FUT6: variants seen among roughly 807,000 people sequenced by gnomAD.
FUT6 encodes fucosyltransferase 6.
For missense variants in FUT6, 454 were observed against 494.6 expected, an observed-to-expected ratio of 0.92 and a Z score of 0.78; for synonymous variants, 187 against 209.9, an observed-to-expected ratio of 0.89 and a Z score of 0.94.
At position 5,830,826 on chromosome 19, in the gene FUT6, G is replaced by C. The variant is rs1397442237; in HGVS notation, c.*662C>G. On this transcript the variant is annotated 3_prime_UTR_variant, in exon 3 of 3. Transcript: ENST00000318336. ...TCACCATATTGGCCAGGATGGTCTCGATCTCCTGACCTTGTGATCCGCCTG... is the reference window on the plus strand; with the variant it reads ...TCACCATATTGGCCAGGATGGTCTCCATCTCCTGACCTTGTGATCCGCCTG... 5.1e-6 allele frequency: 1 copy of C among 194,688 alleles called. No individual in the cohort carries two copies. Among genetic ancestry groups the C allele is most frequent in the South Asian group, 9.8e-5 (1 of 10,198 alleles). The allele number at this position is 194,688 out of a possible 1,614,324, so 12.1% of individuals were successfully genotyped here.
At chr19:5,833,907 G>A (rs781390991) in intron 2 of FUT6, among the ~76,000 whole-genome samples, 4 of 151,988 alleles carry the variant, frequency 2.6e-5, no homozygotes, top group Non-Finnish European at 4.4e-5. Flanking sequence ...AGAGGAGGGC[G>A]GATAACTTGA....
At chr19:5,836,732 C>G (rs2057185737) in intron 1 of FUT6, among the ~76,000 whole-genome samples, 1 of 152,090 alleles carries the variant, frequency 6.6e-6, no homozygotes, top group African/African-American at 2.4e-5. Flanking sequence ...GTAGTCTCAG[C>G]TACTCAGGAT....
In FUT6 at chr19:5,832,805, A is replaced by C; in HGVS notation, c.-12-226T>G. ...CCATTAGACAACAGGCCCTTTCTAC[A>C]TGGGCAAGGGTCCCTGGGGAAGTTG... On this transcript the variant is annotated intron_variant, in intron 2 of 2. Coordinates refer to ENST00000318336, the MANE Select transcript of FUT6 (RefSeq NM_000150.4). The surrounding 1 kb of genome is among the most constrained non-coding windows in gnomAD (Gnocchi z 4.3). 5.4e-6 allele frequency: 3 copies of C among 559,212 alleles called. No individual in the cohort carries two copies. The highest frequency in any genetic ancestry group is 6.1e-5 in the East Asian group (2 of 32,622). 34.6% of individuals were successfully genotyped at this position (559,212 alleles called of 1,614,324 possible). A position where few individuals can be genotyped will look rare whatever the true frequency, so the allele number is the denominator to read the frequency against.
At chr19:5,837,121 T>C (rs2057190784) in intron 1 of FUT6, among the ~76,000 whole-genome samples, 1 of 152,050 alleles carries the variant, frequency 6.6e-6, no homozygotes, top group Non-Finnish European at 1.5e-5. Flanking sequence ...CACTGCAACC[T>C]CTAGCTCCCG....
Position 5,831,600 on chromosome 19 carries a change from T to C in FUT6, c.968A>G (p.Glu323Gly), listed in dbSNP as rs751906752. 3.2e-5 allele frequency: 51 copies of C among 1,613,846 alleles called. No individual in the cohort carries two copies. Among genetic ancestry groups the C allele is most frequent in the Non-Finnish European group, 4.2e-5 (49 of 1,179,998 alleles). The change falls in exon 3 of 3, where the codon GAG (glutamate) becomes GGG (glycine). Residue 323 changes from glutamate to glycine, a missense_variant. Transcript: ENST00000318336. This position sits in a 1 kb window ranked among gnomAD's most constrained non-coding sequence, Gnocchi z 7.0. ...GCTGAAGGAGCGAGGCCGCAGCGTC[T>C]CCCGCCAGCGAAAGTAGCTCAGGTA... is the stretch of plus-strand genomic sequence containing the variant. ...ARYLSYFRWR[E>G]TLRPRSFSWA...
In FUT6 at chr19:5,830,587, C is replaced by G. The variant is rs1446955646; in HGVS notation, c.*901G>C. ...AGCTGGGATTACAGGCACCGGCCAC[C>G]GCACCCAGCTAATTTTTTTTTTTTT... On this transcript the variant is annotated 3_prime_UTR_variant, in exon 3 of 3. Coordinates refer to ENST00000318336, the MANE Select transcript of FUT6 (RefSeq NM_000150.4). The G allele has an allele frequency of 6.7e-6, 1 of 149,678 alleles. No homozygotes were observed. 9.3% of individuals were successfully genotyped at this position (149,678 alleles called of 1,614,324 possible). A position where few individuals can be genotyped will look rare whatever the true frequency, so the allele number is the denominator to read the frequency against.
chr19:5,832,202 G>C lies in FUT6; in HGVS notation c.366C>G (p.Arg122=). 6.2e-7 allele frequency: 1 copy of C among 1,614,018 alleles called. No individual in the cohort carries two copies. Among genetic ancestry groups the C allele is most frequent in the Non-Finnish European group, 8.5e-7 (1 of 1,180,032 alleles). Reference sequence around the variant, plus strand: ...ATCGCTGCCCCTGCCGCCTCGGGGAGCGTGGGAGCTGGGCACTGGGGTTGT... The same window carrying C: ...ATCGCTGCCCCTGCCGCCTCGGGGACCGTGGGAGCTGGGCACTGGGGTTGT... ...VMYNPSAQLP[R]SPRRQGQRWI... The change falls in exon 3 of 3, where the codon CGC becomes CGG. Residue 122 remains arginine, a synonymous_variant. Transcript: ENST00000318336. The surrounding 1 kb of genome is among the most constrained non-coding windows in gnomAD (Gnocchi z 4.3).
chr19:5,833,899 A>G (rs1432992383), intron 2 of FUT6, among the ~76,000 whole-genome samples: 1 of 151,942 alleles, frequency 6.6e-6, no homozygotes, highest in Non-Finnish European at 1.5e-5. Flanking sequence ...TGGAAGGCAG[A>G]GGAGGGCGGA....
chr19:5,832,550 C>G lies in FUT6; in HGVS notation c.18G>C (p.Pro6=). 6.2e-7 allele frequency: 1 copy of G among 1,613,398 alleles called. No individual in the cohort carries two copies. The highest frequency in any genetic ancestry group is 8.5e-7 in the Non-Finnish European group (1 of 1,179,962). ...AGCGCCACGACCACTGTGGCTTGGC[C>G]GGGCCCAGGGGATCCATGGGTCAGA... MDPLG[P]AKPQWSWRCC... Residue 6 remains proline (P), a synonymous_variant, in exon 3 of 3, where the codon CCG becomes CCC. Transcript: ENST00000318336. This position sits in a 1 kb window ranked among gnomAD's most constrained non-coding sequence, Gnocchi z 4.3.
Position 5,832,272 on chromosome 19 carries a change from T to C in FUT6, c.296A>G (p.Tyr99Cys), listed in dbSNP as rs1278627211. The C allele has an allele frequency of 1.2e-6, 2 of 1,613,860 alleles. No individual in the cohort carries two copies. Among genetic ancestry groups the C allele is most frequent in the Non-Finnish European group, 1.7e-6 (2 of 1,179,974 alleles). ...DCNITADRKV[Y>C]PQADAVIVHH... ...CACGATGACCGCGTCTGCCTGTGGA[T>C]ACACCTTGCGGTCGGCAGTGATGTT... Residue 99 changes from tyrosine (Y) to cysteine (C), a missense_variant, in exon 3 of 3, where the codon TAT (tyrosine) becomes TGT (cysteine). Tyr to Cys is a radical substitution (Grantham distance 194). Coordinates refer to ENST00000318336, the MANE Select transcript of FUT6 (RefSeq NM_000150.4). This position sits in a 1 kb window ranked among gnomAD's most constrained non-coding sequence, Gnocchi z 4.3.
At chr19:5,833,967 A>C (rs1323976904) in intron 2 of FUT6, among the ~76,000 whole-genome samples, 1 of 151,960 alleles carries the variant, frequency 6.6e-6, no homozygotes, top group Non-Finnish European at 1.5e-5. Flanking sequence ...CCACATGTCT[A>C]CTAAAAATAC....
At position 5,832,754 on chromosome 19, in the gene FUT6, T is replaced by A. The variant is rs974106459; in HGVS notation, c.-12-175A>T. 9.6e-6 allele frequency: 6 copies of A among 622,742 alleles called. No homozygotes were observed. The African/African-American group carries it at 1.1e-4, about 11-fold the overall frequency. 38.6% of individuals were successfully genotyped at this position (622,742 alleles called of 1,614,324 possible). A position where few individuals can be genotyped will look rare whatever the true frequency, so the allele number is the denominator to read the frequency against. Reference sequence around the variant, plus strand: ...CAGCTGGTGTTTGAACAAAGGGAGCTTGGCCCAGAGTCCACTTCCTCCCAC... The same window carrying A: ...CAGCTGGTGTTTGAACAAAGGGAGCATGGCCCAGAGTCCACTTCCTCCCAC... On this transcript the variant is annotated intron_variant, in intron 2 of 2. Coordinates refer to ENST00000318336, the MANE Select transcript of FUT6 (RefSeq NM_000150.4). This position sits in a 1 kb window ranked among gnomAD's most constrained non-coding sequence, Gnocchi z 4.3.
At position 5,831,224 on chromosome 19, in the gene FUT6, G is replaced by A. The variant is rs2057085762; in HGVS notation, c.*264C>T. 2.5e-6 allele frequency: 2 copies of A among 806,608 alleles called. No homozygotes were observed. Among genetic ancestry groups the A allele is most frequent in the African/African-American group, 1.7e-5 (1 of 59,634 alleles). 50.0% of individuals were successfully genotyped at this position (806,608 alleles called of 1,614,324 possible). ...AGCAGGCCAGGCTTCCGCAGGGGAC[G>A]CTCCTGGAAGCCAGCATGTGAAATC... On this transcript the variant is annotated 3_prime_UTR_variant, in exon 3 of 3. Coordinates refer to ENST00000318336, the MANE Select transcript of FUT6 (RefSeq NM_000150.4). The surrounding 1 kb of genome is among the most constrained non-coding windows in gnomAD (Gnocchi z 7.0).
rs902252744 is a variant in FUT6 at position 5,832,891 on chromosome 19, A to T, written c.-12-312T>A. The T allele has an allele frequency of 4.9e-5, 19 of 386,064 alleles. No individual in the cohort carries two copies. Among genetic ancestry groups the T allele is most frequent in the Non-Finnish European group, 8.1e-5 (17 of 209,244 alleles). 23.9% of individuals were successfully genotyped at this position (386,064 alleles called of 1,614,324 possible). Reference sequence around the variant, plus strand: ...TCCTGTCCTTTTCTGGTGTGTCCCCAGACTCTTCCTCAATCTGGAGAGAAG... The same window carrying T: ...TCCTGTCCTTTTCTGGTGTGTCCCCTGACTCTTCCTCAATCTGGAGAGAAG... On this transcript the variant is annotated intron_variant, in intron 2 of 2. Transcript: ENST00000318336. This position sits in a 1 kb window ranked among gnomAD's most constrained non-coding sequence, Gnocchi z 4.3.
chr19:5,832,621 T>C lies in FUT6; in HGVS notation c.-12-42A>G. ...GAGGAGTGAGGGTCATTGATGACAA[T>C]CTCCTGCTTACCAAAGCTCCAGGCC... On this transcript the variant is annotated intron_variant, in intron 2 of 2. Coordinates refer to ENST00000318336, the MANE Select transcript of FUT6 (RefSeq NM_000150.4). The surrounding 1 kb of genome is among the most constrained non-coding windows in gnomAD (Gnocchi z 4.3). The C allele has an allele frequency of 7.0e-7, 1 of 1,434,912 alleles. No homozygotes were observed. The highest frequency in any genetic ancestry group is 1.1e-5 in the South Asian group (1 of 87,144). The allele number at this position is 1,434,912 out of a possible 1,614,324, so 88.9% of individuals were successfully genotyped here. A position where few individuals can be genotyped will look rare whatever the true frequency, so the allele number is the denominator to read the frequency against.
chr19:5,831,440 GC>G lies in FUT6; in HGVS notation c.*47del. Reference sequence around the variant, plus strand: ...TAGATGAGGCCCCCACTCAGGTGAGGCCCCAGGAAAATGAGGTTCCTGGCAG... The same window carrying G: ...TAGATGAGGCCCCCACTCAGGTGAGGCCCAGGAAAATGAGGTTCCTGGCAG... On this transcript the variant is annotated 3_prime_UTR_variant, in exon 3 of 3. Coordinates refer to ENST00000318336, the MANE Select transcript of FUT6 (RefSeq NM_000150.4). The surrounding 1 kb of genome is among the most constrained non-coding windows in gnomAD (Gnocchi z 7.0). 3.7e-6 allele frequency: 6 copies of G among 1,613,460 alleles called. No homozygotes were observed. Among genetic ancestry groups the G allele is most frequent in the Non-Finnish European group, 5.1e-6 (6 of 1,180,002 alleles).
intron 1 of FUT6, among the ~76,000 whole-genome samples, chr19:5,835,801 G>T (rs1385873788): frequency 6.6e-6 from 1 of 152,186 alleles, no homozygotes; most frequent in Non-Finnish European, 1.5e-5. Context: ...TTTCTGTGAT[G>T]ACGGAAATGT....
rs754615668 is a variant in FUT6 at position 5,832,334 on chromosome 19, G to C, written c.234C>G (p.Pro78=). The C allele has an allele frequency of 3.8e-5, 62 of 1,613,942 alleles. No individual in the cohort carries two copies. Among genetic ancestry groups the C allele is most frequent in the Non-Finnish European group, 5.2e-5 (61 of 1,180,038 alleles). The change falls in exon 3 of 3, where the codon CCC becomes CCG. Residue 78 remains proline (P), a synonymous_variant. Transcript: ENST00000318336. The surrounding 1 kb of genome is among the most constrained non-coding windows in gnomAD (Gnocchi z 4.3). The part of the protein sequence containing the change: ...TWPFNKPIAL[P]RCSEMVPGTA... ...TGCCAGGCACCATCTCTGAGCAGCGGGGCAGAGCTATGGGTTTGTTAAAAG... is the reference window on the plus strand; with the variant it reads ...TGCCAGGCACCATCTCTGAGCAGCGCGGCAGAGCTATGGGTTTGTTAAAAG...
Position 5,831,948 on chromosome 19 carries a change from C to G in FUT6, c.620G>C (p.Arg207Pro). 6.2e-7 allele frequency: 1 copy of G among 1,613,950 alleles called. No individual in the cohort carries two copies. Among genetic ancestry groups the G allele is most frequent in the Admixed American group, 1.7e-5 (1 of 60,008 alleles). The change falls in exon 3 of 3, where the codon CGC (arginine) becomes CCC (proline). Residue 207 changes from arginine (R) to proline (P), a missense_variant. Transcript: ENST00000318336. The surrounding 1 kb of genome is among the most constrained non-coding windows in gnomAD (Gnocchi z 7.0). ...SNWGPNSARV[R>P]YYQSLQAHLK... ...ATGGGCCTGCAGGCTCTGGTAGTAG[C>G]GCACCCTGGCGGAGTTTGGCCCCCA...
Sources: gnomAD v4.1 joint callset for allele counts (sites outside exome capture counted in the v4.1 genomes callset) on GRCh38, gnomAD v4.1.1 for gene constraint, Gnocchi (gnomAD v3.1) non-coding constraint, MANE v1.5 for transcripts, NCBI Gene and HGNC (gene_info 2026-07-23, HGNC 2026-07-21) for gene names.